The following NDST4 variants were observed in gnomAD, a reference collection of about 807,000 sequenced individuals.
The protein encoded by NDST4 is N-heparan sulfate sulfotransferase 4.
NDST4 carries 63 observed loss-of-function variants against 100.8 expected under a neutral mutation model. The ratio of observed to expected loss-of-function variants is 0.62; its 90% CI spans 0.51 to 0.77. The LOEUF (loss-of-function observed/expected upper bound fraction) is 0.77, where lower values mean the gene tolerates loss of function less well. Among genes scored for constraint, NDST4 ranks in the 30% least tolerant of loss-of-function variants. NDST4 has a pLI of 0.00. For missense variants in NDST4, 943 were observed against 1,018.4 expected (o/e 0.93, Z 1.01); for synonymous variants, 377 against 361.8 (o/e 1.04, Z -0.48).
chr4:115,052,950 C>T (rs919914202), intron 2 of NDST4, among the ~76,000 whole-genome samples: 5 of 152,056 alleles, frequency 3.3e-5, no homozygotes, highest in Non-Finnish European at 7.4e-5. Context: ...ACACAACAAA[C>T]GTAAACCACG....
chr4:115,072,501 T>C (rs192691020), intron 2 of NDST4, among the ~76,000 whole-genome samples: 4 of 151,590 alleles, frequency 2.6e-5, no homozygotes, highest in Non-Finnish European at 4.4e-5. Context: ...CACAGACCAA[T>C]GGAATAAAAT....
chr4:114,882,325 G>A (rs56271544), intron 6 of NDST4, among the ~76,000 whole-genome samples: 13,612 of 151,898 alleles, frequency 0.09, 1,792 homozygotes, highest in African/African-American at 0.29. Flanking sequence ...TGACATGTGG[G>A]CCTTAAGGGG....
Position 114,967,441 on chromosome 4 carries a change from C to A in NDST4, c.1221+2989G>T, listed in dbSNP as rs529218929. Among the ~76,000 whole-genome samples, 9 of 152,170 alleles carry A rather than the reference C, an allele frequency of 5.9e-5. No homozygotes were observed. The South Asian group carries it at 8.3e-4, about 14-fold the overall frequency. On this transcript the variant is annotated intron_variant, in intron 4 of 13. Coordinates refer to ENST00000264363, the MANE Select transcript of NDST4 (RefSeq NM_022569.3). ...TAGCTTTCAACATTTCATTACAAAG[C>A]AATTACATCTGAGTCTTCTCAGAGC...
Position 115,010,174 on chromosome 4 carries a change from T to A in NDST4, c.979-32900A>T, listed in dbSNP as rs1214708723. Reference sequence around the variant, plus strand: ...CTAGAAATATCATTTGACCCAGACATCCCATTACTGGGTATATACCCAACG... The same window carrying A: ...CTAGAAATATCATTTGACCCAGACAACCCATTACTGGGTATATACCCAACG... On this transcript the variant is annotated intron_variant, in intron 2 of 13. Coordinates refer to ENST00000264363, the MANE Select transcript of NDST4 (RefSeq NM_022569.3). Among the ~76,000 whole-genome samples the A allele has an allele frequency of 3.9e-5, 5 of 128,014 alleles. 1 individual carries two copies. The highest frequency in any genetic ancestry group is 1.5e-4 in the African/African-American group (5 of 33,520). The allele number at this position is 128,014 out of a possible 152,430, so 84.0% of individuals were successfully genotyped here.
intron 2 of NDST4, among the ~76,000 whole-genome samples, chr4:115,048,319 A>G (rs1035841499): frequency 3.3e-5 from 5 of 152,198 alleles, no homozygotes; most frequent in Non-Finnish European, 7.4e-5. Flanking sequence ...ATTTACATTT[A>G]TAAAAACAAA....
At chr4:115,000,521 A>G (rs1441659702) in intron 2 of NDST4, among the ~76,000 whole-genome samples, 1 of 152,156 alleles carries the variant, frequency 6.6e-6, no homozygotes, top group Non-Finnish European at 1.5e-5. Flanking sequence ...AAGGATTGTC[A>G]GTAATTTAAA....
At chr4:115,025,973 G>A (rs1372017601) in intron 2 of NDST4, among the ~76,000 whole-genome samples, 3 of 151,918 alleles carry the variant, frequency 2.0e-5, no homozygotes, top group East Asian at 1.9e-4. Context: ...TTGTATAGCC[G>A]TTGAACTAGT....
intron 2 of NDST4, among the ~76,000 whole-genome samples, chr4:115,013,237 T>C (rs1040367599): frequency 2.0e-5 from 3 of 150,292 alleles, no homozygotes; most frequent in Admixed American, 1.3e-4. Context: ...CACAAAGAAA[T>C]GATTTACAAA....
chr4:114,999,988 A>T (rs1183196767), intron 2 of NDST4, among the ~76,000 whole-genome samples: 2 of 151,944 alleles, frequency 1.3e-5, no homozygotes, highest in Non-Finnish European at 2.9e-5. Context: ...CCAAATCTGT[A>T]ATTTAAGTAT....
chr4:114,925,793 A>T (rs940266512), intron 6 of NDST4, among the ~76,000 whole-genome samples: 2 of 152,172 alleles, frequency 1.3e-5, no homozygotes, highest in Non-Finnish European at 2.9e-5. Flanking sequence ...AGCATTCTAC[A>T]ATCAGAGCCT....
At chr4:114,861,995 T>C (rs1006842117) in intron 7 of NDST4, among the ~76,000 whole-genome samples, 1 of 152,182 alleles carries the variant, frequency 6.6e-6, no homozygotes, top group African/African-American at 2.4e-5. Flanking sequence ...TATATAAGTA[T>C]AGTTATAGTT....
chr4:114,977,358 A>G (rs1163149276), intron 2 of NDST4, 84 bp from the exon 3 acceptor site: 3 of 793,444 alleles, frequency 3.8e-6, no homozygotes, highest in Non-Finnish European at 4.1e-6. Context: ...TGTATGCATG[A>G]GTAAAACAAA....
At chr4:114,997,273 A>G (rs554253793) in intron 2 of NDST4, among the ~76,000 whole-genome samples, 1 of 152,218 alleles carries the variant, frequency 6.6e-6, no homozygotes, top group South Asian at 2.1e-4. Flanking sequence ...ATTATTTAAG[A>G]GGAGAAAATT....
chr4:115,100,368 T>G (rs530853371), intron 1 of NDST4, among the ~76,000 whole-genome samples: 1 of 152,040 alleles, frequency 6.6e-6, no homozygotes. Context: ...GGTTTCTTGA[T>G]TGTAGGAGAT....
At chr4:114,934,089 T>C (rs530116850) in intron 6 of NDST4, among the ~76,000 whole-genome samples, 1 of 152,324 alleles carries the variant, frequency 6.6e-6, no homozygotes, top group East Asian at 1.9e-4. Flanking sequence ...GGAATCAATC[T>C]ATGTGTCAAT....
intron 8 of NDST4, among the ~76,000 whole-genome samples, chr4:114,850,715 TTGACAGTGTGAACACTGATCTTC>T (rs1483790463): frequency 6.6e-6 from 1 of 152,154 alleles, no homozygotes; most frequent in African/African-American, 2.4e-5. Flanking sequence ...GACATTAATA[TTGACAGTGTGAACACTGATCTTC>T]TGAAAGATCT....
chr4:114,845,071 T>G (rs1397131112), intron 10 of NDST4, among the ~76,000 whole-genome samples: 6 of 152,206 alleles, frequency 3.9e-5, no homozygotes, highest in Admixed American at 3.3e-4. Context: ...GGCTCATGCT[T>G]GTAGTCCCAA....
At chr4:115,075,200 C>T (rs1471306150) in intron 2 of NDST4, among the ~76,000 whole-genome samples, 1 of 152,118 alleles carries the variant, frequency 6.6e-6, no homozygotes, top group Admixed American at 6.6e-5. Context: ...TAATCCAATA[C>T]CACATTCCCT....
chr4:114,913,613 T>C (rs981827596), intron 6 of NDST4, among the ~76,000 whole-genome samples: 1 of 151,900 alleles, frequency 6.6e-6, no homozygotes, highest in African/African-American at 2.4e-5. Context: ...ACTTGTTTAA[T>C]TTCTTGTGCA....
Sources: gnomAD v4.1 joint callset for allele counts (sites outside exome capture counted in the v4.1 genomes callset) on GRCh38, gnomAD v4.1.1 for gene constraint, MANE v1.5 for transcripts, NCBI Gene and HGNC (gene_info 2026-07-23, HGNC 2026-07-21) for gene names.